Variants in KCNK12 observed in about 807,000 individuals in gnomAD.
KCNK12 encodes the protein potassium two pore domain channel subfamily K member 12.
In KCNK12, 6 loss-of-function variants were observed where a neutral mutation model predicts 25.3. That is an observed-to-expected ratio of 0.24 (90% CI 0.13 to 0.47). KCNK12 has a LOEUF of 0.47. Ranked by LOEUF, KCNK12 falls within the 20% of genes least tolerant of loss-of-function variation. The pLI is 0.99. For synonymous variants in KCNK12, 331 were observed against 311.1 expected, an observed-to-expected ratio of 1.06 and a Z score of -0.67; for missense variants, 444 against 661.7, an observed-to-expected ratio of 0.67 and a Z score of 3.61.
In KCNK12 at chr2:47,557,147, C is replaced by G. The variant is rs989428596; in HGVS notation, c.391+12794G>C. On this transcript the variant is annotated intron_variant, in intron 1 of 1. Coordinates refer to ENST00000327876, the MANE Select transcript of KCNK12 (RefSeq NM_022055.2). This position sits in a 1 kb window ranked among gnomAD's most constrained non-coding sequence, Gnocchi z 4.9. ...GTTTGAATGTCTCCTCCAAAACTTACGTTGAAATCCAATGGCTATTGTAAG... is the reference window on the plus strand; with the variant it reads ...GTTTGAATGTCTCCTCCAAAACTTAGGTTGAAATCCAATGGCTATTGTAAG... 1.3e-5 allele frequency among the ~76,000 whole-genome samples: 2 copies of G among 152,176 alleles called. No homozygotes were observed. Among genetic ancestry groups the G allele is most frequent in the Admixed American group, 6.5e-5 (1 of 15,276 alleles).
At position 47,512,526 on chromosome 2, in the gene KCNK12, C is replaced by A; in HGVS notation, c.*8381G>T. 2 of 1,398,056 alleles carry A rather than the reference C, an allele frequency of 1.4e-6. No homozygotes were observed. Among genetic ancestry groups the A allele is most frequent in the South Asian group, 1.5e-5 (1 of 68,394 alleles). 86.6% of individuals were successfully genotyped at this position (1,398,056 alleles called of 1,614,324 possible). A position where few individuals can be genotyped will look rare whatever the true frequency, so the allele number is the denominator to read the frequency against. On this transcript the variant is annotated 3_prime_UTR_variant, in exon 2 of 2. Coordinates refer to ENST00000327876, the MANE Select transcript of KCNK12 (RefSeq NM_022055.2). Reference sequence around the variant, plus strand: ...ATTTCCCTCAAAATGGAGCAGGAAGCTCTCAAAAATGGACCAGAAAGGGGT... The same window carrying A: ...ATTTCCCTCAAAATGGAGCAGGAAGATCTCAAAAATGGACCAGAAAGGGGT...
rs1669122510 is a variant in KCNK12 at position 47,538,437 on chromosome 2, C to T, written c.392-16629G>A. ...GTTTCAGGCTAGTCAACAGCACGAG[C>T]AAAGGCCCTGAGGCAGAGGGGCTGG... is the stretch of plus-strand genomic sequence containing the variant. On this transcript the variant is annotated intron_variant, in intron 1 of 1. Transcript: ENST00000327876. This position sits in a 1 kb window ranked among gnomAD's most constrained non-coding sequence, Gnocchi z 4.5. 1.3e-5 allele frequency among the ~76,000 whole-genome samples: 2 copies of T among 152,064 alleles called. No homozygotes were observed.
At position 47,538,350 on chromosome 2, in the gene KCNK12, G is replaced by A. The variant is rs1397521717; in HGVS notation, c.392-16542C>T. Among the ~76,000 whole-genome samples the A allele has an allele frequency of 6.6e-6, 1 of 152,130 alleles. No homozygotes were observed. Among genetic ancestry groups the A allele is most frequent in the Admixed American group, 6.5e-5 (1 of 15,272 alleles). Reference sequence around the variant, plus strand: ...GAGGAGGCAGGTCATGGTTTTAAGTGGGGTGGGTCCAGGGAGGCCTCGTTA... The same window carrying A: ...GAGGAGGCAGGTCATGGTTTTAAGTAGGGTGGGTCCAGGGAGGCCTCGTTA... On this transcript the variant is annotated intron_variant, in intron 1 of 1. Transcript: ENST00000327876. The surrounding 1 kb of genome is among the most constrained non-coding windows in gnomAD (Gnocchi z 4.5).
In KCNK12 at chr2:47,513,207, T is replaced by G. The variant is rs1273061933; in HGVS notation, c.*7700A>C. Reference sequence around the variant, plus strand: ...TGTATCCTAACTTGTATCCCTAATGTGTGACCCATGAAAATTAGCCAGGCA... The same window carrying G: ...TGTATCCTAACTTGTATCCCTAATGGGTGACCCATGAAAATTAGCCAGGCA... On this transcript the variant is annotated 3_prime_UTR_variant, in exon 2 of 2. Coordinates refer to ENST00000327876, the MANE Select transcript of KCNK12 (RefSeq NM_022055.2). 1 of 152,226 alleles carries G rather than the reference T, an allele frequency of 6.6e-6. No homozygotes were observed. Among genetic ancestry groups the G allele is most frequent in the Non-Finnish European group, 1.5e-5 (1 of 68,046 alleles). 9.4% of individuals were successfully genotyped at this position (152,226 alleles called of 1,614,324 possible).
In KCNK12 at chr2:47,521,761, T is replaced by C. The variant is rs1337474514; in HGVS notation, c.439A>G (p.Ile147Val). The change falls in exon 2 of 2, where the codon ATC becomes GTC. Residue 147 changes from isoleucine to valine, a missense_variant. Ile to Val is a conservative substitution (Grantham distance 29). This residue lies in a region of KCNK12 where 44 missense variants were observed against 100.7 expected (regional missense o/e 0.44). Coordinates refer to ENST00000327876, the MANE Select transcript of KCNK12 (RefSeq NM_022055.2). ...PATVGGKAFLIAYGLFGCAGT... is the reference protein window; with the variant it reads ...PATVGGKAFLVAYGLFGCAGT... ...GCGCAGCCGAACAGCCCGTAGGCGA[T>C]GAGGAAGGCCTTCCCGCCCACCGTC... is the stretch of plus-strand genomic sequence containing the variant. 6.5e-7 allele frequency: 1 copy of C among 1,544,452 alleles called. No individual in the cohort carries two copies. The highest frequency in any genetic ancestry group is 8.7e-7 in the Non-Finnish European group (1 of 1,152,982).
chr2:47,526,734 A>G (rs1215888334), intron 1 of KCNK12, among the ~76,000 whole-genome samples: 1 of 152,156 alleles, frequency 6.6e-6, no homozygotes, highest in Non-Finnish European at 1.5e-5. Flanking sequence ...CTCCGTCTCA[A>G]AAACAAACAA....
At chr2:47,527,812 C>T (rs950638603) in intron 1 of KCNK12, 6 of 152,288 alleles carry the variant, frequency 3.9e-5, no homozygotes, top group Non-Finnish European at 7.3e-5. Flanking sequence ...CTGGTAAGAC[C>T]AACATCCACC....
chr2:47,554,601 G>A (rs1407160396), intron 1 of KCNK12, among the ~76,000 whole-genome samples: 1 of 152,200 alleles, frequency 6.6e-6, no homozygotes, highest in East Asian at 1.9e-4. Context: ...AGGCTAAGAG[G>A]GGTCAGGGCC....
chr2:47,546,434 G>A (rs534803418), intron 1 of KCNK12, among the ~76,000 whole-genome samples: 9 of 152,262 alleles, frequency 5.9e-5, no homozygotes, highest in South Asian at 2.1e-4. Context: ...CATTTAAAGC[G>A]ATTCTCATGT....
intron 1 of KCNK12, among the ~76,000 whole-genome samples, chr2:47,530,347 T>C (rs1322237048): frequency 2.0e-5 from 3 of 152,072 alleles, no homozygotes; most frequent in Non-Finnish European, 2.9e-5. Flanking sequence ...GGCCAAAGAC[T>C]TCCCTGGGAC....
chr2:47,529,805 G>C lies in KCNK12; in HGVS notation c.392-7997C>G, dbSNP rs901974289. Among the ~76,000 whole-genome samples the C allele has an allele frequency of 2.0e-5, 3 of 152,212 alleles. No homozygotes were observed. Among genetic ancestry groups the C allele is most frequent in the Non-Finnish European group, 4.4e-5 (3 of 68,032 alleles). On this transcript the variant is annotated intron_variant, in intron 1 of 1. Transcript: ENST00000327876. The surrounding 1 kb of genome is among the most constrained non-coding windows in gnomAD (Gnocchi z 4.3). Reference sequence around the variant, plus strand: ...GGCCCATGGCTCATTAGGGTTGCCAGGTAAAATACAGAACACCCAGTTAAA... The same window carrying C: ...GGCCCATGGCTCATTAGGGTTGCCACGTAAAATACAGAACACCCAGTTAAA...
At chr2:47,532,959 C>T (rs575990268) in intron 1 of KCNK12, among the ~76,000 whole-genome samples, 22 of 152,324 alleles carry the variant, frequency 1.4e-4, no homozygotes, top group African/African-American at 5.1e-4. Context: ...CATTCCTTAC[C>T]TTCTCGGACC....
rs900996461 is a variant in KCNK12, at chr2:47,569,323, G to A, written c.391+618C>T. Among the ~76,000 whole-genome samples, 1 of 152,084 alleles carries A rather than the reference G, an allele frequency of 6.6e-6. No homozygotes were observed. The highest frequency in any genetic ancestry group is 1.5e-5 in the Non-Finnish European group (1 of 68,020). On this transcript the variant is annotated intron_variant, in intron 1 of 1. Coordinates refer to ENST00000327876, the MANE Select transcript of KCNK12 (RefSeq NM_022055.2). This position sits in a 1 kb window ranked among gnomAD's most constrained non-coding sequence, Gnocchi z 4.1. ...GCTGGGGGAGAACACAAGGAAGGGAGGCAGAACAACAGCAGCTGAAGTCCT... is the reference window on the plus strand; with the variant it reads ...GCTGGGGGAGAACACAAGGAAGGGAAGCAGAACAACAGCAGCTGAAGTCCT...
rs576454813 is a variant in KCNK12, at chr2:47,541,527, C to G, written c.392-19719G>C. 4.5e-4 allele frequency among the ~76,000 whole-genome samples: 69 copies of G among 151,932 alleles called. No individual in the cohort carries two copies. The South Asian group carries it at 0.013, about 29-fold the overall frequency. On this transcript the variant is annotated intron_variant, in intron 1 of 1. Transcript: ENST00000327876. ...AGATGGTCTCGGTGACCTCCTGGGC[C>G]CCTGTTCTGCACTGAACTGTATGCC...
In KCNK12 at chr2:47,517,502, T is replaced by C. The variant is rs1668553894; in HGVS notation, c.*3405A>G. 2 of 152,162 alleles carry C rather than the reference T, an allele frequency of 1.3e-5. No homozygotes were observed. The highest frequency in any genetic ancestry group is 6.5e-5 in the Admixed American group (1 of 15,284). 9.4% of individuals were successfully genotyped at this position (152,162 alleles called of 1,614,324 possible). On this transcript the variant is annotated 3_prime_UTR_variant, in exon 2 of 2. Transcript: ENST00000327876. The surrounding 1 kb of genome is among the most constrained non-coding windows in gnomAD (Gnocchi z 4.1). ...TCTAGAGAGTTAAAAATGGGAAATC[T>C]TTCTTCTTAAAGTGGCCCAGACTGA...
In KCNK12 at chr2:47,520,594, G is replaced by T; in HGVS notation, c.*313C>A. On this transcript the variant is annotated 3_prime_UTR_variant, in exon 2 of 2. Transcript: ENST00000327876. This position sits in a 1 kb window ranked among gnomAD's most constrained non-coding sequence, Gnocchi z 5.0. ...TCTGTGCATGGGGACGGGGTTTAGTGCCAGTCTGCAAAACCCTCCTCGCTG... is the reference window on the plus strand; with the variant it reads ...TCTGTGCATGGGGACGGGGTTTAGTTCCAGTCTGCAAAACCCTCCTCGCTG... 1 of 273,292 alleles carries T rather than the reference G, an allele frequency of 3.7e-6. No individual in the cohort carries two copies. The allele number at this position is 273,292 out of a possible 1,614,324, so 16.9% of individuals were successfully genotyped here.
intron 1 of KCNK12, among the ~76,000 whole-genome samples, chr2:47,531,779 A>C (rs527309104): frequency 6.6e-6 from 1 of 152,210 alleles, no homozygotes; most frequent in Admixed American, 6.5e-5. Flanking sequence ...ATTAGGCAGC[A>C]CATAGGCCAC....
Position 47,512,201 on chromosome 2 carries a change from C to G in KCNK12, c.*8706G>C. 1 of 1,396,570 alleles carries G rather than the reference C, an allele frequency of 7.2e-7. No homozygotes were observed. Among genetic ancestry groups the G allele is most frequent in the South Asian group, 1.4e-5 (1 of 71,938 alleles). 86.5% of individuals were successfully genotyped at this position (1,396,570 alleles called of 1,614,324 possible). Reference sequence around the variant, plus strand: ...GAGAAAAAAGAATTGAACAAACTGTCTAAGCTGGGTCAGGTACTCTGCAGA... The same window carrying G: ...GAGAAAAAAGAATTGAACAAACTGTGTAAGCTGGGTCAGGTACTCTGCAGA... On this transcript the variant is annotated 3_prime_UTR_variant, in exon 2 of 2. Coordinates refer to ENST00000327876, the MANE Select transcript of KCNK12 (RefSeq NM_022055.2).
rs1668537748 is a variant in KCNK12 at position 47,516,869 on chromosome 2, G to C, written c.*4038C>G. The C allele has an allele frequency of 6.6e-6, 1 of 152,224 alleles. No homozygotes were observed. Among genetic ancestry groups the C allele is most frequent in the South Asian group, 2.1e-4 (1 of 4,832 alleles). The allele number at this position is 152,224 out of a possible 1,614,324, so 9.4% of individuals were successfully genotyped here. A position where few individuals can be genotyped will look rare whatever the true frequency, so the allele number is the denominator to read the frequency against. ...GTAGCAATTGTGCTCTGGGGTGCCT[G>C]AAAGTGCCAGAGCTGCTTCAGGGGC... On this transcript the variant is annotated 3_prime_UTR_variant, in exon 2 of 2. Transcript: ENST00000327876.
Sources: allele counts gnomAD v4.1 joint callset (sites outside exome capture counted in the v4.1 genomes callset), GRCh38; gene constraint gnomAD v4.1.1; regional missense constraint gnomAD v4.1.1; non-coding constraint Gnocchi (gnomAD v3.1); transcripts MANE v1.5; gene names NCBI Gene and HGNC (gene_info 2026-07-23, HGNC 2026-07-21).